Variants in LSM12 observed in about 807,000 individuals in gnomAD.
LSM12 encodes the protein LSM12 homolog, also known as protein LSM12.
For missense variants in LSM12, 108 were observed against 238.9 expected (o/e 0.45, Z 3.61); for synonymous variants, 74 against 87.3 (o/e 0.85, Z 0.85).
chr17:44,048,346 G>A (rs1190002702), intron 2 of LSM12, among the ~76,000 whole-genome samples: 1 of 151,926 alleles, frequency 6.6e-6, no homozygotes, highest in Non-Finnish European at 1.5e-5. Flanking sequence ...GCCGGGCACA[G>A]TAACATGCAC....
intron 2 of LSM12, among the ~76,000 whole-genome samples, chr17:44,059,497 C>T (rs112611524): frequency 6.6e-6 from 1 of 151,468 alleles, no homozygotes; most frequent in African/African-American, 2.4e-5. Context: ...GAGGCTGAGA[C>T]AGGAGAATCG....
intron 2 of LSM12, among the ~76,000 whole-genome samples, chr17:44,049,818 G>A (rs982724428): frequency 5.9e-5 from 9 of 152,174 alleles, no homozygotes; most frequent in African/African-American, 2.2e-4. Context: ...TACAACAAGG[G>A]AAACAGAGAA....
intron 2 of LSM12, among the ~76,000 whole-genome samples, chr17:44,055,641 C>A (rs1379267701): frequency 6.7e-6 from 1 of 148,402 alleles, no homozygotes; most frequent in Non-Finnish European, 1.5e-5. Flanking sequence ...CACACCACTG[C>A]ACTCTAGCCT....
At chr17:44,039,343 C>A (rs1361756756) in intron 3 of LSM12, among the ~76,000 whole-genome samples, 1 of 150,664 alleles carries the variant, frequency 6.6e-6, no homozygotes, top group Non-Finnish European at 1.5e-5. Flanking sequence ...GCGTGAGCCA[C>A]CGTGCCCGAC....
At chr17:44,041,334 A>ACAAACACACAC (rs2049491143) in intron 2 of LSM12, among the ~76,000 whole-genome samples, 1 of 104,546 alleles carries the variant, frequency 9.6e-6, no homozygotes, top group Non-Finnish European at 1.9e-5. Context: ...CACACACACA[A>ACAAACACACAC]ACACACACAC....
At chr17:44,056,521 G>A (rs564568743) in intron 2 of LSM12, among the ~76,000 whole-genome samples, 1 of 151,796 alleles carries the variant, frequency 6.6e-6, no homozygotes, top group African/African-American at 2.4e-5. Flanking sequence ...ACTCAGGAGG[G>A]TAAGGCAGAA....
chr17:44,052,178 G>C (rs979553988), intron 2 of LSM12, among the ~76,000 whole-genome samples: 1 of 151,694 alleles, frequency 6.6e-6, no homozygotes, highest in African/African-American at 2.4e-5. Flanking sequence ...CGAGGCTGCA[G>C]TGAGCTATGA....
At position 44,037,504 on chromosome 17, in the gene LSM12, C is replaced by G. The variant is rs1162569843; in HGVS notation, c.403G>C (p.Val135Leu). ...KDCKWQEKNI[V>L]VMEEVVITPP... ...GTAATAACAACTTCTTCCATGACTA[C>G]GATGTTTTTTTCTTGCCATTTACAG... Residue 135 changes from valine (V) to leucine (L), a missense_variant, in exon 4 of 5, where the codon GTA (valine) becomes CTA (leucine). Val to Leu is a conservative substitution (Grantham distance 32, BLOSUM62 1). Coordinates refer to ENST00000293406, the MANE Select transcript of LSM12 (RefSeq NM_001371445.1). The G allele has an allele frequency of 6.2e-7, 1 of 1,610,014 alleles. No individual in the cohort carries two copies. Among genetic ancestry groups the G allele is most frequent in the Admixed American group, 1.7e-5 (1 of 59,136 alleles).
intron 2 of LSM12, among the ~76,000 whole-genome samples, chr17:44,062,154 G>A (rs2049804408): frequency 1.3e-5 from 2 of 150,714 alleles, no homozygotes; most frequent in Admixed American, 6.6e-5. Context: ...CCCGGGAGGC[G>A]GAGCTTGCAG....
intron 2 of LSM12, among the ~76,000 whole-genome samples, chr17:44,059,389 G>A (rs929226929): frequency 1.3e-4 from 19 of 151,994 alleles, no homozygotes; most frequent in Admixed American, 9.8e-4. Context: ...AGGAGTTCAA[G>A]GCCAGCCTGG....
chr17:44,057,420 C>G (rs1330913988), intron 2 of LSM12, among the ~76,000 whole-genome samples: 4 of 150,380 alleles, frequency 2.7e-5, no homozygotes, highest in African/African-American at 4.9e-5. Flanking sequence ...AGTGCTAGGA[C>G]TACAGGCGTG....
intron 2 of LSM12, among the ~76,000 whole-genome samples, chr17:44,044,741 T>C (rs989528866): frequency 6.6e-6 from 1 of 152,216 alleles, no homozygotes; most frequent in Non-Finnish European, 1.5e-5. Flanking sequence ...AGAAGGAGAT[T>C]ACCTTGCCCT....
At chr17:44,041,279 AAAAAAAAACAAACACACAC>A (rs1281269568) in intron 2 of LSM12, among the ~76,000 whole-genome samples, 1 of 127,780 alleles carries the variant, frequency 7.8e-6, no homozygotes, top group Non-Finnish European at 1.6e-5. Context: ...TCTTTAAAAA[AAAAAAAAACAAACACACAC>A]ACACACACAC....
At position 44,066,477 on chromosome 17, in the gene LSM12, T is replaced by A; in HGVS notation, c.111A>T (p.Lys37Asn). Residue 37 changes from lysine (K) to asparagine (N), a missense_variant, in exon 1 of 5, where the codon AAA becomes AAT. Transcript: ENST00000293406. ...GEVVAFDYQS[K>N]MLALKCPSSS... is the part of the protein sequence containing the mutation. ...AGGGAAGGATACTTAAAGCCAGCAT[T>A]TTGGATTGGTAGTCAAAGGCTACCA... 6.4e-7 allele frequency: 1 copy of A among 1,551,388 alleles called. No homozygotes were observed. Among genetic ancestry groups the A allele is most frequent in the Non-Finnish European group, 8.7e-7 (1 of 1,150,668 alleles).
chr17:44,049,569 C>T (rs752004039), intron 2 of LSM12, among the ~76,000 whole-genome samples: 18 of 152,140 alleles, frequency 1.2e-4, no homozygotes, highest in Non-Finnish European at 2.2e-4. Context: ...TGAGCCACTG[C>T]GTCCCACAAG....
At chr17:44,037,650 C>G (rs1468153462) in intron 3 of LSM12, 112 bp from the exon 4 acceptor site, 12 of 1,299,732 alleles carry the variant, frequency 9.2e-6, no homozygotes, top group Non-Finnish European at 1.2e-5. Context: ...GCTCACCACT[C>G]AGCCAACAAC....
intron 3 of LSM12, among the ~76,000 whole-genome samples, chr17:44,038,355 CAA>C (rs767523063): frequency 1.0e-3 from 63 of 61,728 alleles, no homozygotes; most frequent in Admixed American, 1.1e-3. Context: ...GACCCTGTCT[CAA>C]AAAAAAAAAA....
chr17:44,066,665 C>T lies in LSM12; in HGVS notation c.-78G>A. On this transcript the variant is annotated 5_prime_UTR_variant, in exon 1 of 5. Transcript: ENST00000293406. The stretch of plus-strand genomic sequence containing the variant: ...CGGGCCCCCAGTGAGCGCCGCGACG[C>T]GACGGCGCGCACGGAGCGTGCTTGC... 7.9e-7 allele frequency: 1 copy of T among 1,261,882 alleles called. No individual in the cohort carries two copies. The highest frequency in any genetic ancestry group is 3.1e-5 in the South Asian group (1 of 31,932). 78.2% of individuals were successfully genotyped at this position (1,261,882 alleles called of 1,614,324 possible).
chr17:44,061,195 T>C (rs1468686909), intron 2 of LSM12, among the ~76,000 whole-genome samples: 2 of 151,686 alleles, frequency 1.3e-5, no homozygotes, highest in Non-Finnish European at 2.9e-5. Flanking sequence ...TGCATGCCTG[T>C]AATCCCAGCT....
Sources: gnomAD v4.1 joint callset for allele counts (sites outside exome capture counted in the v4.1 genomes callset) on GRCh38, gnomAD v4.1.1 for gene constraint, MANE v1.5 for transcripts, NCBI Gene and HGNC (gene_info 2026-07-23, HGNC 2026-07-21) for gene names.